CENPI: variants seen among roughly 807,000 people sequenced by gnomAD.
CENPI encodes the protein FSH primary response 1.
CENPI carries 4 observed loss-of-function variants against 60.4 expected under a neutral mutation model. The ratio of observed to expected loss-of-function variants is 0.07; its 90% CI spans 0.03 to 0.15. The LOEUF is 0.15. Ranked by LOEUF, CENPI falls within the 10% of genes least tolerant of loss-of-function variation. The pLI is 1.00. For missense variants in CENPI, 444 were observed against 534.5 expected (o/e 0.83, Z 1.67); for synonymous variants, 157 against 189.4 (o/e 0.83, Z 1.40).
chrX:101,138,207 C>T (rs1451795540), intron 15 of CENPI, among the ~76,000 whole-genome samples: 1 of 104,206 alleles, frequency 9.6e-6, no homozygotes. Flanking sequence ...AGGCTGGTCT[C>T]GAACTCCTGG....
Position 101,121,865 on chromosome X carries a change from C to T in CENPI, c.687+1081C>T, listed in dbSNP as rs187488459. ...TTGCCTAGGCTGGAGTGCAGTGGTG[C>T]GATCTCAGCTCACTGCAACCTCTGT... On this transcript the variant is annotated intron_variant, in intron 8 of 21. Transcript: ENST00000682095. 2.2e-4 allele frequency among the ~76,000 whole-genome samples: 20 copies of T among 91,158 alleles called. No individual in the cohort carries two copies. In the East Asian group the frequency reaches 4.9e-3, roughly 22 times the overall value. The allele number at this position is 91,158 out of a possible 115,157, so 79.2% of individuals were successfully genotyped here.
the CENPI span, among the ~76,000 whole-genome samples, chrX:101,172,541 A>G: frequency 2.7e-5 from 3 of 111,805 alleles, no homozygotes; most frequent in African/African-American, 9.7e-5. Flanking sequence ...CACAAAACAC[A>G]TATTTTGTGG....
Position 101,126,827 on chromosome X carries a change from T to A in CENPI, c.777+29T>A, listed in dbSNP as rs181286570. Reference sequence around the variant, plus strand: ...AGGGATTAAGGAGAGAGAAATCATATTAAGATTGAAATATGTTATTTTTGG... The same window carrying A: ...AGGGATTAAGGAGAGAGAAATCATAATAAGATTGAAATATGTTATTTTTGG... On this transcript the variant is annotated intron_variant, in intron 9 of 21. Coordinates refer to ENST00000682095, the MANE Select transcript of CENPI (RefSeq NM_001386188.2). 1.9e-5 allele frequency: 20 copies of A among 1,064,478 alleles called. No homozygotes were observed. The African/African-American group carries it at 3.7e-4, about 20-fold the overall frequency. The allele number at this position is 1,064,478 out of a possible 1,213,427, so 87.7% of individuals were successfully genotyped here. A position where few individuals can be genotyped will look rare whatever the true frequency, so the allele number is the denominator to read the frequency against.
At chrX:101,145,547 T>G (rs2089954572) in intron 17 of CENPI, among the ~76,000 whole-genome samples, 1 of 109,847 alleles carries the variant, frequency 9.1e-6, no homozygotes, top group African/African-American at 3.3e-5. Context: ...AGATCTCCAT[T>G]TCTACCTTTC....
In CENPI at chrX:101,101,321, G is replaced by T. The variant is rs193230065; in HGVS notation, c.226+25G>T. On this transcript the variant is annotated intron_variant, in intron 3 of 21. Transcript: ENST00000682095. ...GGTAAAGGTGGATTGTTTTCCTTAT[G>T]AAACTCCTATTTCTGTAAAAATATT... 6.4e-3 allele frequency: 6,315 copies of T among 990,303 alleles called. 21 individuals carry two copies. Among genetic ancestry groups the T allele is most frequent in the Middle Eastern group, 0.01 (39 of 3,824 alleles). The allele number at this position is 990,303 out of a possible 1,213,427, so 81.6% of individuals were successfully genotyped here. A position where few individuals can be genotyped will look rare whatever the true frequency, so the allele number is the denominator to read the frequency against.
intron 16 of CENPI, among the ~76,000 whole-genome samples, chrX:101,143,871 A>G (rs1021541267): frequency 1.1e-4 from 12 of 111,671 alleles, no homozygotes; most frequent in African/African-American, 3.3e-4. Context: ...TAGCTCAGGA[A>G]TTCAGGCAAA....
chrX:101,181,376 G>A, the CENPI span, among the ~76,000 whole-genome samples: 2 of 112,180 alleles, frequency 1.8e-5, no homozygotes, highest in Non-Finnish European at 3.8e-5. Context: ...GAATTACATC[G>A]AAACTGTAGA....
At position 101,126,757 on chromosome X, in the gene CENPI, G is replaced by C. The variant is rs1420085527; in HGVS notation, c.736G>C (p.Ala246Pro). Reference sequence around the variant, plus strand: ...TTTGTTGTCACTGTATAAGTTCTTTGCTCCTGCTCTGATTTCAGTATCTTT... The same window carrying C: ...TTTGTTGTCACTGTATAAGTTCTTTCCTCCTGCTCTGATTTCAGTATCTTT... ...QALLSLYKFF[A>P]PALISVSLPV... The change falls in exon 9 of 22, where the codon GCT (alanine) becomes CCT (proline). Residue 246 changes from alanine to proline, a missense_variant. Coordinates refer to ENST00000682095, the MANE Select transcript of CENPI (RefSeq NM_001386188.2). 8.3e-7 allele frequency: 1 copy of C among 1,208,185 alleles called. No homozygotes were observed. The highest frequency in any genetic ancestry group is 2.2e-5 in the Admixed American group (1 of 45,972).
At chrX:101,172,039 TAAG>T in the CENPI span, among the ~76,000 whole-genome samples, 66 of 111,797 alleles carry the variant, frequency 5.9e-4, no homozygotes, top group African/African-American at 2.1e-3. Flanking sequence ...GAATGGATAA[TAAG>T]AACATGGAAC....
rs1342281585 is a variant in CENPI at position 101,128,282 on chromosome X, G to A, written c.1075-434G>A. Reference sequence around the variant, plus strand: ...TGGGAGGCGGAGGTTGCAGTGAGCCGAGATCGCGCCATTGCACTCCAGCCT... The same window carrying A: ...TGGGAGGCGGAGGTTGCAGTGAGCCAAGATCGCGCCATTGCACTCCAGCCT... On this transcript the variant is annotated intron_variant, in intron 11 of 21. Coordinates refer to ENST00000682095, the MANE Select transcript of CENPI (RefSeq NM_001386188.2). 6.3e-5 allele frequency among the ~76,000 whole-genome samples: 7 copies of A among 111,137 alleles called. No homozygotes were observed. In the East Asian group the frequency reaches 8.5e-4, roughly 14 times the overall value.
intron 2 of CENPI, chrX:101,100,648 C>T (rs759352240): frequency 1.3e-3 from 153 of 119,712 alleles, no homozygotes; most frequent in Non-Finnish European, 2.0e-3. Flanking sequence ...AACTCCTGTA[C>T]GCCTGACCTC....
At chrX:101,154,811 G>T (rs1013423552) in intron 20 of CENPI, among the ~76,000 whole-genome samples, 2 of 111,126 alleles carry the variant, frequency 1.8e-5, no homozygotes, top group Admixed American at 9.7e-5. Context: ...TAAGTACTGT[G>T]TTTTTTGATG....
chrX:101,102,443 A>G (rs1175699257), intron 4 of CENPI, 32 bp downstream of exon 4: 10 of 1,064,579 alleles, frequency 9.4e-6, no homozygotes, highest in Non-Finnish European at 1.3e-5. Flanking sequence ...TTTTTCTTTT[A>G]ACTCACCTAG....
chrX:101,121,328 G>A (rs935752819), intron 8 of CENPI, among the ~76,000 whole-genome samples: 18 of 109,982 alleles, frequency 1.6e-4, no homozygotes, highest in Admixed American at 7.9e-4. Flanking sequence ...CACTCTTTTC[G>A]CCCAGGCTGG....
At chrX:101,168,635 A>G (rs2090149958), downstream of CENPI, among the ~76,000 whole-genome samples, 2 of 112,290 alleles carry the variant, frequency 1.8e-5, no homozygotes, top group African/African-American at 6.5e-5. Context: ...CTGATCTATC[A>G]GTAGCTGACT....
At chrX:101,111,406 T>C (rs1306243413) in intron 6 of CENPI, among the ~76,000 whole-genome samples, 1 of 110,950 alleles carries the variant, frequency 9.0e-6, no homozygotes, top group East Asian at 2.8e-4. Context: ...ATTTTCACTT[T>C]GTTCACCTTA....
At chrX:101,100,936 TTATTGTATGCC>T (rs753934526) in intron 2 of CENPI, 111 bp from the exon 3 acceptor site, 1 of 443,625 alleles carries the variant, frequency 2.3e-6, no homozygotes, top group East Asian at 3.6e-5. Flanking sequence ...GTCAACTTAT[TTATTGTATGCC>T]TGTTGTATGC....
chrX:101,141,164 T>C (rs756495878), intron 16 of CENPI: 15 of 114,663 alleles, frequency 1.3e-4, no homozygotes, highest in African/African-American at 4.8e-4. Context: ...TTTATGTTTC[T>C]GTGCTGTATT....
chrX:101,170,638 T>G (rs1310617049), downstream of CENPI, among the ~76,000 whole-genome samples: 1 of 111,509 alleles, frequency 9.0e-6, no homozygotes, highest in Admixed American at 9.6e-5. Flanking sequence ...AAGCAGTCTT[T>G]TTTCTTTTTT....
Sources: allele counts gnomAD v4.1 joint callset (sites outside exome capture counted in the v4.1 genomes callset), GRCh38; gene constraint gnomAD v4.1.1; transcripts MANE v1.5; gene names NCBI Gene and HGNC (gene_info 2026-07-23, HGNC 2026-07-21).